Variants in DCLK2 observed in about 807,000 individuals in gnomAD.
DCLK2 encodes the protein doublecortin like kinase 2.
A neutral mutation model predicts 78.4 loss-of-function variants in DCLK2; 31 were observed. The ratio of observed to expected loss-of-function variants is 0.40; its 90% confidence interval spans 0.30 to 0.53. DCLK2 has a LOEUF of 0.53. Ranked by LOEUF, DCLK2 falls within the 20% of genes least tolerant of loss-of-function variation. DCLK2 has a pLI of 0.61. For synonymous variants in DCLK2, 407 were observed against 374.9 expected, an observed-to-expected ratio of 1.09 and a Z score of -0.99; for missense variants, 872 against 973.7, an observed-to-expected ratio of 0.90 and a Z score of 1.39.
At chr4:150,090,277 A>C (rs1171927119) in intron 1 of DCLK2, among the ~76,000 whole-genome samples, 2 of 152,220 alleles carry the variant, frequency 1.3e-5, no homozygotes, top group Non-Finnish European at 2.9e-5. Context: ...GTGGTGGCGC[A>C]CGACTGTAAT....
chr4:150,134,878 C>T (rs1733582898), intron 2 of DCLK2, among the ~76,000 whole-genome samples: 1 of 151,930 alleles, frequency 6.6e-6, no homozygotes. Flanking sequence ...TTATTCCTTG[C>T]AGTGTTCCAT....
At chr4:150,222,815 G>A (rs113131776) in intron 7 of DCLK2, among the ~76,000 whole-genome samples, 3,258 of 151,532 alleles carry the variant, frequency 0.022, 111 homozygotes, top group African/African-American at 0.07. Flanking sequence ...GCGGTGAGCC[G>A]AGATCGTGCC....
intron 2 of DCLK2, among the ~76,000 whole-genome samples, chr4:150,123,586 C>T (rs1732714873): frequency 6.6e-6 from 1 of 152,130 alleles, no homozygotes; most frequent in African/African-American, 2.4e-5. Flanking sequence ...GAAGCGAGCA[C>T]AGGCCGTTGG....
chr4:150,250,907 AT>A (rs1178187376), intron 15 of DCLK2, among the ~76,000 whole-genome samples: 11 of 26,150 alleles, frequency 4.2e-4, no homozygotes, highest in South Asian at 1.5e-3. Flanking sequence ...CACCCCCCAC[AT>A]CCCCACACAC....
intron 2 of DCLK2, among the ~76,000 whole-genome samples, chr4:150,152,260 G>A (rs954487274): frequency 6.6e-6 from 1 of 152,116 alleles, no homozygotes; most frequent in African/African-American, 2.4e-5. Context: ...AAGCACTTAT[G>A]ACATAAAATA....
chr4:150,194,722 G>C (rs1264736973), intron 3 of DCLK2, among the ~76,000 whole-genome samples: 1 of 152,080 alleles, frequency 6.6e-6, no homozygotes, highest in Non-Finnish European at 1.5e-5. Flanking sequence ...TTAATTTTAT[G>C]AATGAGGAAA....
chr4:150,250,219 A>G (rs1743661751), intron 15 of DCLK2, among the ~76,000 whole-genome samples: 1 of 152,208 alleles, frequency 6.6e-6, no homozygotes, highest in African/African-American at 2.4e-5. Flanking sequence ...GGTTGGTAAC[A>G]TTTTATGAGA....
chr4:150,227,788 C>T (rs1469219294), intron 8 of DCLK2, among the ~76,000 whole-genome samples: 1 of 152,202 alleles, frequency 6.6e-6, no homozygotes, highest in African/African-American at 2.4e-5. Context: ...CCTTCTTTGT[C>T]TTCCTACTGT....
intron 2 of DCLK2, among the ~76,000 whole-genome samples, chr4:150,160,733 G>A (rs1262739024): frequency 1.3e-5 from 2 of 152,202 alleles, no homozygotes; most frequent in Non-Finnish European, 1.5e-5. Flanking sequence ...GTTCATTCCT[G>A]TTGGACTCTG....
At chr4:150,170,342 C>A (rs1309361382) in intron 2 of DCLK2, among the ~76,000 whole-genome samples, 1 of 152,012 alleles carries the variant, frequency 6.6e-6, no homozygotes, top group Non-Finnish European at 1.5e-5. Context: ...CCATGCCCGG[C>A]CAGTTTTTTT....
At position 150,256,700 on chromosome 4, in the gene DCLK2, T is replaced by TA. The variant is rs1262029028; in HGVS notation, c.*453_*454insA. 6.4e-6 allele frequency: 1 copy of TA among 156,522 alleles called. No individual in the cohort carries two copies. Among genetic ancestry groups the TA allele is most frequent in the Non-Finnish European group, 1.4e-5 (1 of 71,218 alleles). The allele number at this position is 156,522 out of a possible 1,614,324, so 9.7% of individuals were successfully genotyped here. A position where few individuals can be genotyped will look rare whatever the true frequency, so the allele number is the denominator to read the frequency against. On this transcript the variant is annotated 3_prime_UTR_variant, in exon 16 of 16. Coordinates refer to ENST00000296550, the MANE Select transcript of DCLK2 (RefSeq NM_001040260.4). ...TTCTCTCTCTCTCTCTCTTTTTTTT[T>TA]TACGAAAGACTTAGAATTGCATTTG...
intron 1 of DCLK2, among the ~76,000 whole-genome samples, chr4:150,088,563 G>A (rs771404684): frequency 1.3e-5 from 2 of 151,876 alleles, no homozygotes; most frequent in Admixed American, 1.3e-4. Context: ...CTCAGTCTCC[G>A]GTTAGCTGGG....
intron 2 of DCLK2, among the ~76,000 whole-genome samples, chr4:150,175,022 A>ATATATATTTATATATATTTATATATT (rs1237654265): frequency 1.5e-4 from 7 of 47,048 alleles, no homozygotes; most frequent in East Asian, 1.0e-3. Context: ...ATATATATAT[A>ATATATATTTATATATATTTATATATT]TATATATATA....
chr4:150,239,172 A>G (rs981802606), intron 10 of DCLK2, among the ~76,000 whole-genome samples: 2 of 152,240 alleles, frequency 1.3e-5, no homozygotes, highest in African/African-American at 2.4e-5. Context: ...ACGTGTGTTC[A>G]TCGTACTCCT....
intron 10 of DCLK2, among the ~76,000 whole-genome samples, chr4:150,233,556 G>T (rs1290352590): frequency 1.3e-5 from 2 of 152,148 alleles, no homozygotes; most frequent in Admixed American, 1.3e-4. Context: ...TCATTTATTT[G>T]CAGGGAATAA....
Position 150,247,683 on chromosome 4 carries a change from T to A in DCLK2, c.1859T>A (p.Ile620Asn). The change falls in exon 13 of 16, where the codon ATC becomes AAC. Residue 620 changes from isoleucine to asparagine, a missense_variant. By Grantham distance (149) the Ile-to-Asn change is moderately radical. Coordinates refer to ENST00000296550, the MANE Select transcript of DCLK2 (RefSeq NM_001040260.4). ...LEFPAPYWDN[I>N]TDSAKELISQ... Reference sequence around the variant, plus strand: ...TTTCCGGCCCCCTACTGGGATAACATCACGGACTCTGCCAAGGTACCCTCC... The same window carrying A: ...TTTCCGGCCCCCTACTGGGATAACAACACGGACTCTGCCAAGGTACCCTCC... 6.2e-7 allele frequency: 1 copy of A among 1,613,872 alleles called. No homozygotes were observed. Among genetic ancestry groups the A allele is most frequent in the Non-Finnish European group, 8.5e-7 (1 of 1,179,956 alleles).
In DCLK2 at chr4:150,203,601, TG is replaced by T. The variant is rs1324345340; in HGVS notation, c.962-193del. On this transcript the variant is annotated intron_variant, in intron 4 of 15. Transcript: ENST00000296550. ...ATTGAAAATAGTTCTAGTTTCACTC[TG>T]TTTTTTTTTTTTTTGTCTGTAATGC... 4.3e-4 allele frequency among the ~76,000 whole-genome samples: 13 copies of T among 30,536 alleles called. No homozygotes were observed. In the East Asian group the frequency reaches 8.1e-3, roughly 19 times the overall value. 20.0% of individuals were successfully genotyped at this position (30,536 alleles called of 152,430 possible). A position where few individuals can be genotyped will look rare whatever the true frequency, so the allele number is the denominator to read the frequency against.
In DCLK2 at chr4:150,248,301, G is replaced by T. The variant is rs1338409487; in HGVS notation, c.1876-4G>T. The T allele has an allele frequency of 6.2e-7, 1 of 1,613,188 alleles. No homozygotes were observed. The highest frequency in any genetic ancestry group is 8.5e-7 in the Non-Finnish European group (1 of 1,179,420). Reference sequence around the variant, plus strand: ...TGTGGTCTGACTTGTTTGTTTATTTGTAGGAATTAATCAGTCAAATGCTTC... The same window carrying T: ...TGTGGTCTGACTTGTTTGTTTATTTTTAGGAATTAATCAGTCAAATGCTTC... On this transcript the variant is annotated splice_polypyrimidine_tract_variant and splice_region_variant and intron_variant, in intron 13 of 15. Transcript: ENST00000296550.
intron 1 of DCLK2, among the ~76,000 whole-genome samples, chr4:150,080,477 T>G (rs1447579559): frequency 1.3e-5 from 2 of 152,250 alleles, no homozygotes; most frequent in East Asian, 3.8e-4. Context: ...AACCCAGGTA[T>G]GTGCTGACTG....
Sources: allele counts gnomAD v4.1 joint callset (sites outside exome capture counted in the v4.1 genomes callset), GRCh38; gene constraint gnomAD v4.1.1; transcripts MANE v1.5; gene names NCBI Gene and HGNC (gene_info 2026-07-23, HGNC 2026-07-21).